Variants in CPQ observed in about 807,000 individuals in gnomAD.
The protein encoded by CPQ is carboxypeptidase Q.
Under a neutral mutation model 45.7 loss-of-function variants are expected in CPQ, and 37 were observed. The ratio of observed to expected loss-of-function variants is 0.81; its 90% CI spans 0.62 to 1.07. The LOEUF (loss-of-function observed/expected upper bound fraction) is 1.07, where lower values mean the gene tolerates loss of function less well. Among genes scored for constraint, CPQ ranks in the 50% least tolerant of loss-of-function variants. The probability of loss-of-function intolerance (pLI) is 0.00; values close to 1 mark genes in which losing one functional copy is unlikely to be tolerated. For missense variants in CPQ, 537 were observed against 572.9 expected (o/e 0.94, Z 0.64); for synonymous variants, 186 against 205.8 (o/e 0.90, Z 0.82).
chr8:96,829,122 C>G (rs1811413531), intron 2 of CPQ, among the ~76,000 whole-genome samples: 1 of 152,130 alleles, frequency 6.6e-6, no homozygotes, highest in Non-Finnish European at 1.5e-5. Context: ...AGACAGGATA[C>G]TTTGCTTGTG....
intron 7 of CPQ, among the ~76,000 whole-genome samples, chr8:97,074,135 G>A (rs1326292094): frequency 6.6e-6 from 1 of 152,232 alleles, no homozygotes; most frequent in South Asian, 2.1e-4. Flanking sequence ...CTCTTCTATT[G>A]TTGCCTTGAA....
chr8:96,889,239 T>C (rs1019413074), intron 4 of CPQ, among the ~76,000 whole-genome samples: 1 of 152,198 alleles, frequency 6.6e-6, no homozygotes, highest in Non-Finnish European at 1.5e-5. Flanking sequence ...ACTGCATACT[T>C]TTGAGTAGGC....
chr8:96,822,255 G>A (rs966322226), intron 2 of CPQ, among the ~76,000 whole-genome samples: 3 of 151,924 alleles, frequency 2.0e-5, no homozygotes, highest in African/African-American at 7.2e-5. Flanking sequence ...AGGCCGAATA[G>A]TAATTCCATT....
At chr8:96,843,592 A>G (rs895020103) in intron 3 of CPQ, among the ~76,000 whole-genome samples, 1 of 152,118 alleles carries the variant, frequency 6.6e-6, no homozygotes, top group Non-Finnish European at 1.5e-5. Flanking sequence ...TGGATTGGCA[A>G]TTCTGCAGAC....
At chr8:96,921,876 T>C (rs965241190) in intron 4 of CPQ, among the ~76,000 whole-genome samples, 1 of 152,300 alleles carries the variant, frequency 6.6e-6, no homozygotes, top group Middle Eastern at 3.4e-3. Context: ...ACGGTGACTA[T>C]GTGGAAGTAT....
chr8:96,901,278 A>G (rs1342335586), intron 4 of CPQ, among the ~76,000 whole-genome samples: 1 of 152,116 alleles, frequency 6.6e-6, no homozygotes, highest in Non-Finnish European at 1.5e-5. Flanking sequence ...AGCTGAGTCT[A>G]TTGTTGGGCT....
chr8:97,033,062 G>C (rs1809936284), intron 6 of CPQ, among the ~76,000 whole-genome samples: 1 of 152,044 alleles, frequency 6.6e-6, no homozygotes, highest in South Asian at 2.1e-4. Flanking sequence ...GGGGAGAGAA[G>C]GGACAGCAGC....
intron 4 of CPQ, among the ~76,000 whole-genome samples, chr8:96,884,108 C>A (rs1812268321): frequency 6.6e-6 from 1 of 152,192 alleles, no homozygotes; most frequent in Non-Finnish European, 1.5e-5. Flanking sequence ...ACATTGGCTC[C>A]CTCATACCTG....
In CPQ at chr8:96,973,839, G is replaced by A. The variant is rs192371987; in HGVS notation, c.961+7793G>A. Among the ~76,000 whole-genome samples, 469 of 152,178 alleles carry A rather than the reference G, an allele frequency of 3.1e-3. 1 individual carries two copies. Among genetic ancestry groups the A allele is most frequent in the African/African-American group, 9.6e-3 (400 of 41,526 alleles). On this transcript the variant is annotated intron_variant, in intron 5 of 7. Transcript: ENST00000220763. ...AATGCTGAGAGAATTCACCACTACC[G>A]AGCCAGTACTACAAAAACTGCTAAA...
chr8:97,122,982 TA>T lies in CPQ; in HGVS notation c.1256-20034del, dbSNP rs1563586949. Among the ~76,000 whole-genome samples the T allele has an allele frequency of 4.1e-3, 71 of 17,202 alleles. 7 individuals carry two copies. The highest frequency in any genetic ancestry group is 0.024 in the African/African-American group (65 of 2,676). 11.3% of individuals were successfully genotyped at this position (17,202 alleles called of 152,430 possible). A position where few individuals can be genotyped will look rare whatever the true frequency, so the allele number is the denominator to read the frequency against. ...AAAATAAAATAAAATAAAATAAAATTAAAATAAAATAAAATAAAATATAAAA... is the reference window on the plus strand; with the variant it reads ...AAAATAAAATAAAATAAAATAAAATTAAATAAAATAAAATAAAATATAAAA... On this transcript the variant is annotated intron_variant, in intron 7 of 7. Transcript: ENST00000220763.
intron 1 of CPQ, among the ~76,000 whole-genome samples, chr8:96,779,585 A>T (rs188831031): frequency 8.3e-4 from 126 of 152,288 alleles, no homozygotes; most frequent in African/African-American, 2.8e-3. Flanking sequence ...TGGACTAGGG[A>T]TCACTAAGCT....
At chr8:96,650,331 G>A (rs1431225249) in intron 1 of CPQ, among the ~76,000 whole-genome samples, 5 of 152,190 alleles carry the variant, frequency 3.3e-5, no homozygotes, top group African/African-American at 1.2e-4. Context: ...AAAGAAAAAG[G>A]CAGATCAACG....
intron 2 of CPQ, among the ~76,000 whole-genome samples, chr8:96,793,313 A>G (rs1168392410): frequency 1.3e-5 from 2 of 152,220 alleles, no homozygotes; most frequent in Admixed American, 6.5e-5. Context: ...TTACAGTTCC[A>G]CGTGGCTTGA....
intron 4 of CPQ, among the ~76,000 whole-genome samples, chr8:96,931,994 C>T (rs1015471525): frequency 4.6e-5 from 7 of 152,154 alleles, no homozygotes; most frequent in Admixed American, 6.5e-5. Context: ...ATTTCTGGAT[C>T]CCTAACTTGT....
At chr8:96,766,880 C>T (rs1446608358) in intron 1 of CPQ, among the ~76,000 whole-genome samples, 1 of 146,354 alleles carries the variant, frequency 6.8e-6, no homozygotes, top group African/African-American at 2.8e-5. Flanking sequence ...ACACTTTGCT[C>T]TCTGTTGCTC....
Position 96,835,026 on chromosome 8 carries a change from G to T in CPQ, c.487G>T (p.Ala163Ser). 1 of 1,613,822 alleles carries T rather than the reference G, an allele frequency of 6.2e-7. No homozygotes were observed. Among genetic ancestry groups the T allele is most frequent in the Non-Finnish European group, 8.5e-7 (1 of 1,179,874 alleles). ...VTSFDELQRR[A>S]SEARGKIVVY... ...CTCTTTCGATGAACTGCAGAGAAGG[G>T]CCTCAGAAGCAAGAGGGAAGATTGT... The change falls in exon 3 of 8, where the codon GCC becomes TCC. Residue 163 changes from alanine to serine, a missense_variant. By Grantham distance (99) the Ala-to-Ser change is moderately conservative. Transcript: ENST00000220763.
intron 5 of CPQ, among the ~76,000 whole-genome samples, chr8:97,016,104 T>TAAAG (rs1385888152): frequency 3.3e-5 from 5 of 152,218 alleles, no homozygotes; most frequent in African/African-American, 1.2e-4. Context: ...ATAAAATAAT[T>TAAAG]AAAGAGAGCT....
chr8:96,841,127 A>T (rs1355227443), intron 3 of CPQ, among the ~76,000 whole-genome samples: 1 of 152,084 alleles, frequency 6.6e-6, no homozygotes, highest in Non-Finnish European at 1.5e-5. Flanking sequence ...GGGACAGGAG[A>T]ATAAGAAATG....
intron 1 of CPQ, among the ~76,000 whole-genome samples, chr8:96,784,403 G>GT (rs964755746): frequency 1.3e-5 from 2 of 151,690 alleles, no homozygotes; most frequent in South Asian, 2.1e-4. Context: ...CTGAGGTGGG[G>GT]GGGGGGTTGG....
Sources: allele counts gnomAD v4.1 joint callset (sites outside exome capture counted in the v4.1 genomes callset), GRCh38; gene constraint gnomAD v4.1.1; transcripts MANE v1.5; gene names NCBI Gene and HGNC (gene_info 2026-07-23, HGNC 2026-07-21).